The following XKR9 variants were observed in gnomAD, a reference collection of about 807,000 sequenced individuals.
XKR9 encodes the protein XK-related protein 9.
In XKR9, 32 loss-of-function variants were observed where a neutral mutation model predicts 32.0. That is an observed-to-expected ratio of 1.00 (90% CI 0.76 to 1.34). The LOEUF (loss-of-function observed/expected upper bound fraction) is 1.34, where lower values mean the gene tolerates loss of function less well. XKR9 is among the 40% of genes most tolerant of loss of function. The pLI is 0.00. For synonymous variants in XKR9, 168 were observed against 143.4 expected, an observed-to-expected ratio of 1.17 and a Z score of -1.22; for missense variants, 546 against 429.7, an observed-to-expected ratio of 1.27 and a Z score of -2.39.
chr8:70,787,945 C>T (rs555255512), intron 2 of XKR9, among the ~76,000 whole-genome samples: 1 of 152,066 alleles, frequency 6.6e-6, no homozygotes, highest in South Asian at 2.1e-4. Context: ...AGGAATAGGT[C>T]CATGACATAG....
the XKR9 span, among the ~76,000 whole-genome samples, chr8:70,998,863 G>A: frequency 6.6e-6 from 1 of 152,092 alleles, no homozygotes; most frequent in South Asian, 2.1e-4. Flanking sequence ...GTTGTCCCTC[G>A]GTGTCTGTGG....
the XKR9 span, among the ~76,000 whole-genome samples, chr8:70,844,745 T>C: frequency 6.6e-6 from 1 of 152,218 alleles, no homozygotes; most frequent in Non-Finnish European, 1.5e-5. Flanking sequence ...GCTAATGCCA[T>C]AGTTAGCAAC....
At chr8:71,039,621 A>C in the XKR9 span, among the ~76,000 whole-genome samples, 9 of 152,192 alleles carry the variant, frequency 5.9e-5, no homozygotes, top group Non-Finnish European at 1.3e-4. Flanking sequence ...AAAAAAGATA[A>C]AGTGAAAAAT....
chr8:70,868,514 G>A, the XKR9 span, among the ~76,000 whole-genome samples: 19 of 152,152 alleles, frequency 1.2e-4, no homozygotes, highest in South Asian at 6.2e-4. Flanking sequence ...CTCTACATTG[G>A]CCTCTTTCAG....
chr8:70,687,304 T>C (rs1819316342), intron 3 of XKR9, among the ~76,000 whole-genome samples: 1 of 138,030 alleles, frequency 7.2e-6, no homozygotes, highest in African/African-American at 2.6e-5. Context: ...GATTTCTTTC[T>C]CTCCTCCCTC....
chr8:70,822,674 T>G, the XKR9 span, among the ~76,000 whole-genome samples: 1 of 151,686 alleles, frequency 6.6e-6, no homozygotes, highest in Non-Finnish European at 1.5e-5. Flanking sequence ...TTAGTGAAAG[T>G]TCATTCTGTG....
the XKR9 span, among the ~76,000 whole-genome samples, chr8:71,011,291 T>G: frequency 6.6e-6 from 1 of 152,200 alleles, no homozygotes; most frequent in African/African-American, 2.4e-5. Context: ...AGCCTGACAA[T>G]GCTCATAAAC....
At chr8:70,905,026 C>T in the XKR9 span, among the ~76,000 whole-genome samples, 99 of 152,214 alleles carry the variant, frequency 6.5e-4, no homozygotes, top group African/African-American at 2.1e-3. Context: ...GTGGGTAATT[C>T]GACCTTTCTC....
chr8:70,781,057 C>A (rs963241606), intron 2 of XKR9: 2 of 152,060 alleles, frequency 1.3e-5, no homozygotes, highest in Non-Finnish European at 2.9e-5. Flanking sequence ...CCTTTCTTTT[C>A]CTCACCAATA....
chr8:70,813,924 G>C, the XKR9 span, among the ~76,000 whole-genome samples: 1 of 152,184 alleles, frequency 6.6e-6, no homozygotes, highest in Non-Finnish European at 1.5e-5. Flanking sequence ...ACCATTTGAC[G>C]CAGCAATCCC....
chr8:70,781,509 C>G (rs1289222323), intron 2 of XKR9, among the ~76,000 whole-genome samples: 1 of 150,484 alleles, frequency 6.6e-6, no homozygotes, highest in Non-Finnish European at 1.5e-5. Flanking sequence ...TATCCATTAA[C>G]TCAAACATTT....
At chr8:70,760,866 A>G (rs185044939) in intron 2 of XKR9, among the ~76,000 whole-genome samples, 1 of 151,902 alleles carries the variant, frequency 6.6e-6, no homozygotes, top group African/African-American at 2.4e-5. Context: ...TCTTCCTCCC[A>G]CCCTCTGCCT....
At chr8:71,058,135 C>T in the XKR9 span, among the ~76,000 whole-genome samples, 2 of 151,972 alleles carry the variant, frequency 1.3e-5, no homozygotes, top group South Asian at 2.1e-4. Context: ...GAGCCGAGAT[C>T]GCGCCACTGC....
chr8:70,802,644 C>G, the XKR9 span, among the ~76,000 whole-genome samples: 1 of 152,108 alleles, frequency 6.6e-6, no homozygotes, highest in East Asian at 1.9e-4. Context: ...CCTCAAGGAC[C>G]CTTAAGGACA....
rs182239835 is a variant in XKR9, at chr8:70,706,250, A to G, written c.273-683A>G. Among the ~76,000 whole-genome samples the G allele has an allele frequency of 1.8e-3, 276 of 152,206 alleles. 2 individuals are homozygous for G. The highest frequency in any genetic ancestry group is 6.6e-3 in the African/African-American group (274 of 41,550). The stretch of plus-strand genomic sequence containing the variant: ...ATTTTTTTTGTTATCGATTTTATCT[A>G]TGGGATGATAACTTGTGTTCACTTT... On this transcript the variant is annotated intron_variant, in intron 3 of 4. Coordinates refer to ENST00000408926, the MANE Select transcript of XKR9 (RefSeq NM_001011720.2).
At chr8:70,897,190 T>C in the XKR9 span, among the ~76,000 whole-genome samples, 59 of 152,310 alleles carry the variant, frequency 3.9e-4, no homozygotes, top group African/African-American at 1.3e-3. Flanking sequence ...CCCACTTCCA[T>C]CCATGCTGTT....
the XKR9 span, among the ~76,000 whole-genome samples, chr8:70,930,016 G>A: frequency 3.9e-5 from 6 of 152,086 alleles, no homozygotes; most frequent in African/African-American, 1.4e-4. Context: ...TTTTGACCAG[G>A]TTTGATTTTC....
intron 3 of XKR9, among the ~76,000 whole-genome samples, chr8:70,698,881 C>T (rs1488017937): frequency 1.3e-5 from 2 of 152,098 alleles, no homozygotes; most frequent in South Asian, 2.1e-4. Flanking sequence ...GTATTGGGTG[C>T]ATATATATTT....
At chr8:70,897,778 T>A in the XKR9 span, among the ~76,000 whole-genome samples, 3 of 152,210 alleles carry the variant, frequency 2.0e-5, no homozygotes, top group African/African-American at 7.2e-5. Context: ...TACTCCTTTG[T>A]CAGATGAATA....
Sources: allele counts gnomAD v4.1 joint callset (sites outside exome capture counted in the v4.1 genomes callset), GRCh38; gene constraint gnomAD v4.1.1; transcripts MANE v1.5; gene names NCBI Gene and HGNC (gene_info 2026-07-23, HGNC 2026-07-21).